DPYD: variants seen among roughly 807,000 people sequenced by gnomAD.
DPYD encodes dihydropyrimidine dehydrogenase [NADP(+)].
DPYD carries 109 observed loss-of-function variants against 116.2 expected under a neutral mutation model. The ratio of observed to expected loss-of-function variants is 0.94; its 90% CI spans 0.80 to 1.10. DPYD has a LOEUF of 1.10. Ranked by LOEUF, DPYD falls within the 50% of genes least tolerant of loss-of-function variation. The pLI, the probability that DPYD is intolerant of heterozygous loss-of-function variation, is 0.00. For missense variants in DPYD, 1,302 were observed against 1,254.5 expected (o/e 1.04, Z -0.57); for synonymous variants, 440 against 432.0 (o/e 1.02, Z -0.23).
intron 3 of DPYD, among the ~76,000 whole-genome samples, chr1:97,799,614 T>C (rs993219064): frequency 1.3e-5 from 2 of 151,976 alleles, no homozygotes; most frequent in Non-Finnish European, 2.9e-5. Context: ...CTTGAGACTG[T>C]TACCTCAAGA....
intron 12 of DPYD, among the ~76,000 whole-genome samples, chr1:97,532,921 T>TTTTG (rs1649738000): frequency 6.7e-6 from 1 of 148,944 alleles, no homozygotes; most frequent in African/African-American, 2.5e-5. Flanking sequence ...GTTTTTTTTT[T>TTTTG]TTGTTGTTGT....
At chr1:97,613,880 T>C (rs1047042339) in intron 8 of DPYD, among the ~76,000 whole-genome samples, 1 of 152,042 alleles carries the variant, frequency 6.6e-6, no homozygotes, top group Non-Finnish European at 1.5e-5. Flanking sequence ...CCTTTGTGCA[T>C]ACATACAATA....
intron 10 of DPYD, chr1:97,585,839 A>C (rs1049805639): frequency 6.6e-6 from 1 of 152,360 alleles, no homozygotes; most frequent in Non-Finnish European, 1.5e-5. Flanking sequence ...TCCCACTTTC[A>C]ATTATTGCCA....
At chr1:97,530,531 T>C (rs1347931384) in intron 12 of DPYD, among the ~76,000 whole-genome samples, 2 of 152,216 alleles carry the variant, frequency 1.3e-5, no homozygotes, top group Admixed American at 6.5e-5. Context: ...TCCATTTATC[T>C]ATCAGTAGAC....
chr1:97,384,811 T>A (rs936753568), intron 14 of DPYD, among the ~76,000 whole-genome samples: 1 of 151,794 alleles, frequency 6.6e-6, no homozygotes, highest in East Asian at 1.9e-4. Flanking sequence ...CACAAAAAGG[T>A]TGAACAACGT....
At chr1:97,747,161 A>C (rs550481154) in intron 3 of DPYD, among the ~76,000 whole-genome samples, 1 of 152,310 alleles carries the variant, frequency 6.6e-6, no homozygotes, top group African/African-American at 2.4e-5. Flanking sequence ...AAGTAATTAA[A>C]TATTAGCTAT....
chr1:97,175,075 C>T (rs765326747), intron 20 of DPYD, among the ~76,000 whole-genome samples: 1 of 152,110 alleles, frequency 6.6e-6, no homozygotes, highest in Admixed American at 6.6e-5. Flanking sequence ...GGAAAGATAC[C>T]TAGAAGTAGA....
intron 14 of DPYD, among the ~76,000 whole-genome samples, chr1:97,442,652 G>T (rs1414498057): frequency 6.6e-6 from 1 of 151,850 alleles, no homozygotes; most frequent in Non-Finnish European, 1.5e-5. Context: ...CATTAAACAA[G>T]GAGTCCAAAA....
intron 20 of DPYD, among the ~76,000 whole-genome samples, chr1:97,135,191 A>G (rs1653692622): frequency 6.6e-6 from 1 of 152,130 alleles, no homozygotes; most frequent in Admixed American, 6.6e-5. Context: ...GCTTTCACTA[A>G]AAATTGATAT....
At chr1:97,426,406 CA>C (rs1674867847) in intron 14 of DPYD, among the ~76,000 whole-genome samples, 1 of 151,872 alleles carries the variant, frequency 6.6e-6, no homozygotes, top group African/African-American at 2.4e-5. Context: ...AGTAATATAC[CA>C]AAGGTCTCAT....
At chr1:97,643,139 G>A (rs1658035096) in intron 8 of DPYD, among the ~76,000 whole-genome samples, 1 of 152,018 alleles carries the variant, frequency 6.6e-6, no homozygotes, top group Non-Finnish European at 1.5e-5. Context: ...TATCACCAAT[G>A]AACAGGTGAC....
chr1:97,757,624 G>C (rs1457528413), intron 3 of DPYD, among the ~76,000 whole-genome samples: 1 of 152,048 alleles, frequency 6.6e-6, no homozygotes, highest in East Asian at 1.9e-4. Context: ...TTGTTAGAAG[G>C]TAATTTACCT....
intron 3 of DPYD, among the ~76,000 whole-genome samples, chr1:97,792,693 C>T (rs533815881): frequency 2.0e-5 from 3 of 152,272 alleles, no homozygotes; most frequent in South Asian, 2.1e-4. Context: ...CACATCAAAA[C>T]GCCCATAAAA....
chr1:97,655,990 G>A (rs535786870), intron 8 of DPYD, among the ~76,000 whole-genome samples: 6 of 152,100 alleles, frequency 3.9e-5, no homozygotes, highest in African/African-American at 9.6e-5. Flanking sequence ...TATTTATTAC[G>A]TAGAAATAAA....
At chr1:97,218,463 C>T (rs1049935473) in intron 19 of DPYD, among the ~76,000 whole-genome samples, 9 of 151,690 alleles carry the variant, frequency 5.9e-5, no homozygotes, top group Non-Finnish European at 8.8e-5. Flanking sequence ...CAGAGGTTCT[C>T]AGAGCTTGGT....
Position 97,078,530 on chromosome 1 carries a change from G to C in DPYD, c.*446C>G, listed in dbSNP as rs951497763. 1.1e-4 allele frequency: 21 copies of C among 188,370 alleles called. No individual in the cohort carries two copies. Among genetic ancestry groups the C allele is most frequent in the African/African-American group, 5.0e-4 (21 of 41,904 alleles). The allele number at this position is 188,370 out of a possible 1,614,324, so 11.7% of individuals were successfully genotyped here. A position where few individuals can be genotyped will look rare whatever the true frequency, so the allele number is the denominator to read the frequency against. On this transcript the variant is annotated 3_prime_UTR_variant, in exon 23 of 23. Coordinates refer to ENST00000370192, the MANE Select transcript of DPYD (RefSeq NM_000110.4). ...TCTTAGAAACAGCATTAAAATTAAA[G>C]GTAATTTTTAATGATAAAATGTTTC...
chr1:97,274,439 G>A lies in DPYD; in HGVS notation c.2299+30820C>T, dbSNP rs563478338. Among the ~76,000 whole-genome samples, 12 of 152,186 alleles carry A rather than the reference G, an allele frequency of 7.9e-5. No individual in the cohort carries two copies. In the South Asian group the frequency reaches 1.0e-3, roughly 13 times the overall value. On this transcript the variant is annotated intron_variant, in intron 18 of 22. Transcript: ENST00000370192. ...GATCTGCTCTCCCTTTGTTTTCCCCGATGATCAGAAGCTTCCTGAGGTCCT... is the reference window on the plus strand; with the variant it reads ...GATCTGCTCTCCCTTTGTTTTCCCCAATGATCAGAAGCTTCCTGAGGTCCT...
At chr1:97,712,077 C>T (rs1662320311) in intron 5 of DPYD, among the ~76,000 whole-genome samples, 1 of 151,900 alleles carries the variant, frequency 6.6e-6, no homozygotes, top group Non-Finnish European at 1.5e-5. Context: ...TTACCACAAC[C>T]CTGTGTCTAG....
chr1:97,319,868 A>C (rs1458336631), intron 16 of DPYD, among the ~76,000 whole-genome samples: 1 of 94,472 alleles, frequency 1.1e-5, no homozygotes, highest in Admixed American at 1.1e-4. Flanking sequence ...GCAGCACATC[A>C]AAAAGCTTAT....
Sources: allele counts gnomAD v4.1 joint callset (sites outside exome capture counted in the v4.1 genomes callset), GRCh38; gene constraint gnomAD v4.1.1; transcripts MANE v1.5; gene names NCBI Gene and HGNC (gene_info 2026-07-23, HGNC 2026-07-21).